Variants in TAOK3 observed in about 807,000 individuals in gnomAD.
TAOK3 encodes TAO kinase 3, also known as serine/threonine-protein kinase TAO3.
In TAOK3, 40 loss-of-function variants were observed where a neutral mutation model predicts 120.4. The observed-to-expected ratio is 0.33, with a 90% confidence interval of 0.26 to 0.43. TAOK3 has a LOEUF of 0.43. TAOK3 is among the 20% of genes least tolerant of loss of function. The pLI, the probability that TAOK3 is intolerant of heterozygous loss-of-function variation, is 1.00. For missense variants in TAOK3, 821 were observed against 1,112.1 expected (o/e 0.74, Z 3.72); for synonymous variants, 355 against 387.5 (o/e 0.92, Z 0.99).
intron 17 of TAOK3, among the ~76,000 whole-genome samples, chr12:118,171,778 C>T (rs1449175169): frequency 1.3e-5 from 2 of 152,208 alleles, no homozygotes; most frequent in Non-Finnish European, 2.9e-5. Flanking sequence ...AGGGTCTCTA[C>T]ATTCTGCTTC....
rs968676950 is a variant in TAOK3, at chr12:118,247,488, T to TAC, written c.121-2525_121-2524dup. On this transcript the variant is annotated intron_variant, in intron 3 of 20. Coordinates refer to ENST00000392533, the MANE Select transcript of TAOK3 (RefSeq NM_016281.4). Reference sequence around the variant, plus strand: ...TACTCAAGATATACATATATATATATACACACACACACACATACATACGTA... The same window carrying TAC: ...TACTCAAGATATACATATATATATATACACACACACACACACATACATACGTA... Among the ~76,000 whole-genome samples, 98 of 151,386 alleles carry TAC rather than the reference T, an allele frequency of 6.5e-4. 2 individuals are homozygous for TAC. The East Asian group carries it at 7.9e-3, about 12-fold the overall frequency.
chr12:118,242,721 G>A (rs550243958), intron 5 of TAOK3, among the ~76,000 whole-genome samples: 1 of 152,126 alleles, frequency 6.6e-6, no homozygotes, highest in Admixed American at 6.5e-5. Context: ...TTAGCTGGGT[G>A]TGGTGGCATG....
At chr12:118,253,255 G>C (rs1261163502) in intron 3 of TAOK3, among the ~76,000 whole-genome samples, 1 of 152,114 alleles carries the variant, frequency 6.6e-6, no homozygotes, top group African/African-American at 2.4e-5. Context: ...CATTTGGAAG[G>C]ACAACTAAAG....
intron 2 of TAOK3, among the ~76,000 whole-genome samples, chr12:118,256,666 G>T (rs973853680): frequency 2.6e-5 from 4 of 152,160 alleles, no homozygotes; most frequent in African/African-American, 9.7e-5. Flanking sequence ...ACCATATATT[G>T]TATGATTCCA....
chr12:118,159,288 G>C (rs2035054176), intron 19 of TAOK3, among the ~76,000 whole-genome samples: 1 of 149,854 alleles, frequency 6.7e-6, no homozygotes, highest in Non-Finnish European at 1.5e-5. Flanking sequence ...CTAACCCCCA[G>C]TACCTCCCAT....
Position 118,233,872 on chromosome 12 carries a change from C to A in TAOK3, c.552-107G>T, listed in dbSNP as rs2039893750. The A allele has an allele frequency of 5.7e-6, 4 of 699,114 alleles. No individual in the cohort carries two copies. In the South Asian group the frequency reaches 6.6e-5, roughly 12 times the overall value. The allele number at this position is 699,114 out of a possible 1,614,324, so 43.3% of individuals were successfully genotyped here. On this transcript the variant is annotated intron_variant, in intron 8 of 20. Coordinates refer to ENST00000392533, the MANE Select transcript of TAOK3 (RefSeq NM_016281.4). ...TCTTAAGGGTATTCTGAAATTTTATCTGATATAGATATTATTTCCTTACAC... is the reference window on the plus strand; with the variant it reads ...TCTTAAGGGTATTCTGAAATTTTATATGATATAGATATTATTTCCTTACAC...
chr12:118,368,653 A>C (rs1179259496), intron 1 of TAOK3, among the ~76,000 whole-genome samples: 1 of 150,560 alleles, frequency 6.6e-6, no homozygotes, highest in African/African-American at 2.4e-5. Context: ...TAAAAATACA[A>C]ACATTAGCCG....
intron 1 of TAOK3, among the ~76,000 whole-genome samples, chr12:118,368,604 T>C (rs2045809586): frequency 6.7e-6 from 1 of 149,802 alleles, no homozygotes; most frequent in South Asian, 2.1e-4. Context: ...TCAGGAGTTC[T>C]AGATCAGCCT....
intron 11 of TAOK3, among the ~76,000 whole-genome samples, chr12:118,209,457 C>T (rs2038505161): frequency 6.6e-6 from 1 of 152,142 alleles, no homozygotes; most frequent in Non-Finnish European, 1.5e-5. Flanking sequence ...GGCTGGAGTG[C>T]AGGGGCACAA....
At chr12:118,219,475 T>C (rs2039114934) in intron 9 of TAOK3, among the ~76,000 whole-genome samples, 1 of 152,170 alleles carries the variant, frequency 6.6e-6, no homozygotes, top group Non-Finnish European at 1.5e-5. Flanking sequence ...GTATTCAGGA[T>C]TCATTATGTG....
Position 118,233,665 on chromosome 12 carries a change from T to G in TAOK3, c.643+9A>C, listed in dbSNP as rs1035484873. On this transcript the variant is annotated intron_variant, in intron 9 of 20. Coordinates refer to ENST00000392533, the MANE Select transcript of TAOK3 (RefSeq NM_016281.4). ...AAAATACAATGAAAACAAATAACTC[T>G]TTACTCACCCAATTCAATACAAGTG... is the stretch of plus-strand genomic sequence containing the variant. The G allele has an allele frequency of 3.2e-6, 5 of 1,581,066 alleles. No individual in the cohort carries two copies. In the African/African-American group the frequency reaches 6.8e-5, roughly 21 times the overall value.
At chr12:118,259,413 C>T (rs1251551771) in intron 2 of TAOK3, among the ~76,000 whole-genome samples, 16 of 151,976 alleles carry the variant, frequency 1.1e-4, no homozygotes, top group African/African-American at 2.7e-4. Flanking sequence ...TGGTGGTGTA[C>T]GCCTGTAGTC....
At chr12:118,218,588 A>T (rs1287481396) in intron 9 of TAOK3, among the ~76,000 whole-genome samples, 1 of 152,148 alleles carries the variant, frequency 6.6e-6, no homozygotes, top group African/African-American at 2.4e-5. Context: ...AAAAGTCTAT[A>T]CATGTTCAGA....
At chr12:118,226,303 G>A (rs557025459) in intron 9 of TAOK3, among the ~76,000 whole-genome samples, 5 of 152,328 alleles carry the variant, frequency 3.3e-5, no homozygotes, top group East Asian at 3.9e-4. Context: ...GTGAACCCGG[G>A]AGGCGGAGCT....
chr12:118,235,752 CA>C, intron 7 of TAOK3, 81 bp from the exon 8 acceptor site: 3 of 856,260 alleles, frequency 3.5e-6, no homozygotes, highest in Admixed American at 2.7e-5. Context: ...ATTAATAAGA[CA>C]AAAAGTTTAT....
At chr12:118,196,840 A>G (rs1462635817) in intron 13 of TAOK3, among the ~76,000 whole-genome samples, 1 of 148,824 alleles carries the variant, frequency 6.7e-6, no homozygotes. Flanking sequence ...CTGAGCATCT[A>G]TGCTGCGCCA....
intron 1 of TAOK3, among the ~76,000 whole-genome samples, chr12:118,360,567 CAAAAAAAAAAA>C (rs34592832): frequency 1.2e-5 from 1 of 86,340 alleles, no homozygotes; most frequent in East Asian, 2.9e-4. Context: ...GACTCCGTCT[CAAAAAAAAAAA>C]AAAAAAAAAA....
At chr12:118,233,221 G>A (rs1322323892) in intron 9 of TAOK3, among the ~76,000 whole-genome samples, 1 of 132,892 alleles carries the variant, frequency 7.5e-6, no homozygotes, top group Non-Finnish European at 1.5e-5. Flanking sequence ...ATGGACACAG[G>A]AAGGGGAACA....
In TAOK3 at chr12:118,244,919, G is replaced by A. The variant is rs1192672050; in HGVS notation, c.167C>T (p.Ser56Phe). ...TSEVVAIKKMSYSGKQTHEKW... is the reference protein window; with the variant it reads ...TSEVVAIKKMFYSGKQTHEKW... ...CTCATGGGTCTGCTTCCCACTATAG[G>A]ACATCTTCTTAATTGCCACCACCTC... Residue 56 changes from serine to phenylalanine, a missense_variant, in exon 4 of 21, where the codon TCC becomes TTC. Physicochemically the swap from Ser to Phe is radical, Grantham distance 155 (BLOSUM62 -2). Transcript: ENST00000392533. 5 of 1,609,134 alleles carry A rather than the reference G, an allele frequency of 3.1e-6. No homozygotes were observed. The highest frequency in any genetic ancestry group is 4.3e-6 in the Non-Finnish European group (5 of 1,176,134).
Sources: gnomAD v4.1 joint callset for allele counts (sites outside exome capture counted in the v4.1 genomes callset) on GRCh38, gnomAD v4.1.1 for gene constraint, MANE v1.5 for transcripts, NCBI Gene and HGNC (gene_info 2026-07-23, HGNC 2026-07-21) for gene names.